The following CLEC2B variants were observed in gnomAD, a reference collection of about 807,000 sequenced individuals.
CLEC2B encodes C-type (calcium dependent, carbohydrate-recognition domain) lectin, superfamily member 2 (activation-induced).
Under a neutral mutation model 16.2 loss-of-function variants are expected in CLEC2B, and 14 were observed. The observed-to-expected ratio is 0.86, with a 90% CI of 0.57 to 1.35. The LOEUF (loss-of-function observed/expected upper bound fraction) is 1.35, where lower values mean the gene tolerates loss of function less well. Among genes scored for constraint, CLEC2B ranks in the 40% most tolerant of loss-of-function variants. The pLI is 0.00. For missense variants in CLEC2B, 166 were observed against 182.3 expected (o/e 0.91, Z 0.52); for synonymous variants, 42 against 55.8 (o/e 0.75, Z 1.10).
At chr12:9,865,662 A>G (rs1565516527) in intron 1 of CLEC2B, among the ~76,000 whole-genome samples, 1 of 152,204 alleles carries the variant, frequency 6.6e-6, no homozygotes, top group East Asian at 1.9e-4. Context: ...TTTACCAAAT[A>G]TATCCAACTG....
intron 1 of CLEC2B, among the ~76,000 whole-genome samples, chr12:9,863,922 AAG>A (rs1867951319): frequency 6.6e-6 from 1 of 152,172 alleles, no homozygotes; most frequent in African/African-American, 2.4e-5. Flanking sequence ...AAGCTTGAGA[AAG>A]AGATAAAGAT....
In CLEC2B at chr12:9,854,460, T is replaced by G; in HGVS notation, c.262A>C (p.Ser88Arg). The stretch of plus-strand genomic sequence containing the variant: ...TTCAGTCCAATCCAGTGATCAGAAC[T>G]GCATTTATACCGCCTAAGAAAATTC... ...EMNFLRRYKC[S>R]SDHWIGLKMA... is the part of the protein sequence containing the mutation. The change falls in exon 4 of 5, where the codon AGT (serine) becomes CGT (arginine). Residue 88 changes from serine (S) to arginine (R), a missense_variant. Transcript: ENST00000228438. 2 of 1,613,056 alleles carry G rather than the reference T, an allele frequency of 1.2e-6. No individual in the cohort carries two copies. The highest frequency in any genetic ancestry group is 1.7e-6 in the Non-Finnish European group (2 of 1,179,088).
At chr12:9,854,734 A>T in intron 3 of CLEC2B, 1 of 495,912 alleles carries the variant, frequency 2.0e-6, no homozygotes, top group Non-Finnish European at 3.5e-6. Flanking sequence ...TTCAATTTGA[A>T]TATCTATTCC....
At chr12:9,860,709 CTTAA>C (rs1867926850) in intron 2 of CLEC2B, among the ~76,000 whole-genome samples, 1 of 151,696 alleles carries the variant, frequency 6.6e-6, no homozygotes, top group African/African-American at 2.4e-5. Flanking sequence ...GACATCAAGA[CTTAA>C]TTATAAACCA....
intron 1 of CLEC2B, among the ~76,000 whole-genome samples, chr12:9,868,838 A>C (rs1184126866): frequency 2.0e-5 from 3 of 152,128 alleles, no homozygotes; most frequent in African/African-American, 7.2e-5. Context: ...AATCTTTAAA[A>C]ATATTAGAAC....
At chr12:9,859,339 G>A (rs966730975) in intron 2 of CLEC2B, among the ~76,000 whole-genome samples, 4 of 151,904 alleles carry the variant, frequency 2.6e-5, no homozygotes, top group Non-Finnish European at 5.9e-5. Context: ...AAAGTTTAAA[G>A]TCATAAGATG....
intron 1 of CLEC2B, among the ~76,000 whole-genome samples, chr12:9,864,163 GA>G (rs34581887): frequency 0.43 from 60,773 of 141,656 alleles, 12,819 homozygotes; most frequent in Non-Finnish European, 0.47. Flanking sequence ...TTTAAGTGCT[GA>G]AAAAAAAAAA....
chr12:9,864,172 A>T (rs1217878187), intron 1 of CLEC2B, among the ~76,000 whole-genome samples: 1 of 151,796 alleles, frequency 6.6e-6, no homozygotes, highest in Admixed American at 6.6e-5. Context: ...TGAAAAAAAA[A>T]AAAAACCCTG....
intron 1 of CLEC2B, 23 bp from the exon 2 acceptor site, chr12:9,862,596 T>G (rs774371647): frequency 6.4e-6 from 9 of 1,413,726 alleles, no homozygotes; most frequent in African/African-American, 1.5e-5. Context: ...AATAAAGACA[T>G]TTAGGAGACT....
At chr12:9,857,201 TAAA>T (rs1423891267) in intron 3 of CLEC2B, 4 of 247,126 alleles carry the variant, frequency 1.6e-5, no homozygotes. Context: ...TATTGGCTCT[TAAA>T]ACGTTTTCAA....
At chr12:9,858,773 A>G (rs1346226123) in intron 2 of CLEC2B, among the ~76,000 whole-genome samples, 2 of 151,888 alleles carry the variant, frequency 1.3e-5, no homozygotes, top group Non-Finnish European at 2.9e-5. Flanking sequence ...TCTCTCATGT[A>G]CTGTCTAATA....
At position 9,852,708 on chromosome 12, in the gene CLEC2B, AAC is replaced by A. The variant is rs1867855555; in HGVS notation, c.*590_*591del. Among the ~76,000 whole-genome samples, 1 of 152,166 alleles carries A rather than the reference AAC, an allele frequency of 6.6e-6. No individual in the cohort carries two copies. The highest frequency in any genetic ancestry group is 1.5e-5 in the Non-Finnish European group (1 of 68,026). ...TTCTTTTGGGTAAAGCCAGTTAGCA[AAC>A]ACATACGGTGTGTGATCTCCTCCTC... On this transcript the variant is annotated 3_prime_UTR_variant, in exon 5 of 5. Coordinates refer to ENST00000228438, the MANE Select transcript of CLEC2B (RefSeq NM_005127.3).
chr12:9,856,397 C>CT (rs1226254607), intron 3 of CLEC2B, among the ~76,000 whole-genome samples: 2 of 152,066 alleles, frequency 1.3e-5, no homozygotes, highest in African/African-American at 4.8e-5. Flanking sequence ...GAAGCCCTTC[C>CT]TATGATATTA....
intron 1 of CLEC2B, among the ~76,000 whole-genome samples, chr12:9,863,115 A>T (rs1054485482): frequency 2.6e-5 from 4 of 152,154 alleles, no homozygotes; most frequent in Non-Finnish European, 4.4e-5. Flanking sequence ...TTTGTTGCAC[A>T]GGTCCCCTGG....
chr12:9,859,936 GA>G (rs1329592435), intron 2 of CLEC2B, among the ~76,000 whole-genome samples: 5 of 151,450 alleles, frequency 3.3e-5, no homozygotes, highest in African/African-American at 1.2e-4. Context: ...TATTAGCAGA[GA>G]AAAGAAAGTA....
chr12:9,866,200 TATC>T (rs1867969086), intron 1 of CLEC2B, among the ~76,000 whole-genome samples: 1 of 152,138 alleles, frequency 6.6e-6, no homozygotes, highest in African/African-American at 2.4e-5. Context: ...ACCTTATTAA[TATC>T]ATGAATTATT....
At chr12:9,866,192 CTTATTAATATCATGAATTAT>C (rs1867968993) in intron 1 of CLEC2B, among the ~76,000 whole-genome samples, 2 of 151,996 alleles carry the variant, frequency 1.3e-5, no homozygotes, top group Non-Finnish European at 2.9e-5. Flanking sequence ...CATATATAAC[CTTATTAATATCATGAATTAT>C]TTATTAATTT....
At chr12:9,868,932 T>C (rs927105652) in intron 1 of CLEC2B, among the ~76,000 whole-genome samples, 1 of 152,138 alleles carries the variant, frequency 6.6e-6, no homozygotes, top group African/African-American at 2.4e-5. Flanking sequence ...CTCAAGTATT[T>C]GTTTTATAAA....
In CLEC2B at chr12:9,862,407, A is replaced by G. The variant is rs956027579; in HGVS notation, c.73+92T>C. 1.2e-5 allele frequency: 13 copies of G among 1,125,606 alleles called. No homozygotes were observed. The East Asian group carries it at 2.7e-4, about 23-fold the overall frequency. The allele number at this position is 1,125,606 out of a possible 1,614,324, so 69.7% of individuals were successfully genotyped here. ...TGTTATCATGTATAATGGGAAGATA[A>G]TGAGATACTGAGAAAAGATCATGAC... On this transcript the variant is annotated intron_variant, in intron 2 of 4. Coordinates refer to ENST00000228438, the MANE Select transcript of CLEC2B (RefSeq NM_005127.3).
Sources: gnomAD v4.1 joint callset for allele counts (sites outside exome capture counted in the v4.1 genomes callset) on GRCh38, gnomAD v4.1.1 for gene constraint, MANE v1.5 for transcripts, NCBI Gene and HGNC (gene_info 2026-07-23, HGNC 2026-07-21) for gene names.